The following PRLR variants were observed in gnomAD, a reference collection of about 807,000 sequenced individuals.
PRLR encodes prolactin receptor.
In PRLR, 13 loss-of-function variants were observed where a neutral mutation model predicts 40.2. That is an observed-to-expected ratio of 0.32 (90% CI 0.21 to 0.51). The LOEUF (loss-of-function observed/expected upper bound fraction) is 0.51. Ranked by LOEUF, PRLR falls within the 20% of genes least tolerant of loss-of-function variation. The pLI is 0.97. For missense variants in PRLR, 656 were observed against 747.3 expected (o/e 0.88, Z 1.42); for synonymous variants, 269 against 278.7 (o/e 0.97, Z 0.35).
intron 1 of PRLR, among the ~76,000 whole-genome samples, chr5:35,197,446 G>A (rs974562322): frequency 2.6e-5 from 4 of 152,182 alleles, no homozygotes; most frequent in Non-Finnish European, 5.9e-5. Flanking sequence ...TTCCCTCATT[G>A]CTCAGATCTG....
At chr5:35,110,865 A>T (rs770492142) in intron 2 of PRLR, among the ~76,000 whole-genome samples, 7 of 152,226 alleles carry the variant, frequency 4.6e-5, no homozygotes, top group Non-Finnish European at 1.0e-4. Context: ...GCTAACTTTC[A>T]GATTACCCTC....
At chr5:35,210,949 G>A (rs1327981410) in intron 1 of PRLR, among the ~76,000 whole-genome samples, 2 of 152,108 alleles carry the variant, frequency 1.3e-5, no homozygotes, top group African/African-American at 4.8e-5. Flanking sequence ...TTGGGTGCAA[G>A]CAATCCACCT....
chr5:35,160,590 T>C (rs1774645804), intron 1 of PRLR, among the ~76,000 whole-genome samples: 1 of 152,190 alleles, frequency 6.6e-6, no homozygotes, highest in Admixed American at 6.5e-5. Flanking sequence ...TGCTAAGGTG[T>C]AGGCTGGTCA....
At chr5:35,208,256 T>C (rs1259817579) in intron 1 of PRLR, among the ~76,000 whole-genome samples, 1 of 151,888 alleles carries the variant, frequency 6.6e-6, no homozygotes, top group Non-Finnish European at 1.5e-5. Flanking sequence ...TGAACAACAC[T>C]TTCACACATA....
At chr5:35,167,976 A>G (rs959874833) in intron 1 of PRLR, among the ~76,000 whole-genome samples, 3 of 152,082 alleles carry the variant, frequency 2.0e-5, no homozygotes, top group African/African-American at 7.2e-5. Context: ...AATGGATTAA[A>G]TACTCTAATA....
intron 1 of PRLR, among the ~76,000 whole-genome samples, chr5:35,137,289 A>G (rs114747540): frequency 0.013 from 2,052 of 152,350 alleles, 63 homozygotes; most frequent in African/African-American, 0.047. Context: ...GTCTGTTTAA[A>G]TAAGTCTGAA....
At position 35,058,746 on chromosome 5, in the gene PRLR, C is replaced by T. The variant is rs1456991143; in HGVS notation, c.*6343G>A. 1 of 152,050 alleles carries T rather than the reference C, an allele frequency of 6.6e-6. No homozygotes were observed. The highest frequency in any genetic ancestry group is 1.5e-5 in the Non-Finnish European group (1 of 68,000). 9.4% of individuals were successfully genotyped at this position (152,050 alleles called of 1,614,324 possible). A position where few individuals can be genotyped will look rare whatever the true frequency, so the allele number is the denominator to read the frequency against. On this transcript the variant is annotated 3_prime_UTR_variant, in exon 10 of 10. Transcript: ENST00000618457. ...TTCACAACATGAGGATTACATATTT[C>T]AATATGGCATATACTATTTTTGAAC...
At position 35,171,115 on chromosome 5, in the gene PRLR, G is replaced by A. The variant is rs532400933; in HGVS notation, c.-105-52993C>T. 2.0e-5 allele frequency among the ~76,000 whole-genome samples: 3 copies of A among 150,946 alleles called. No individual in the cohort carries two copies. The South Asian group carries it at 6.3e-4, about 32-fold the overall frequency. On this transcript the variant is annotated intron_variant, in intron 1 of 9. Coordinates refer to ENST00000618457, the MANE Select transcript of PRLR (RefSeq NM_000949.7). ...ATTTGTTGAGTGATAGAATTAAGGA[G>A]TAATGAACACTAATTCTTTCACTGA...
chr5:35,219,174 T>G (rs566144825), intron 1 of PRLR, among the ~76,000 whole-genome samples: 1 of 152,306 alleles, frequency 6.6e-6, no homozygotes, highest in South Asian at 2.1e-4. Context: ...AGTTTTAGTG[T>G]CTCCTAGTGG....
At chr5:35,072,823 C>A in intron 5 of PRLR, 79 bp from the exon 6 acceptor site, 1 of 1,516,320 alleles carries the variant, frequency 6.6e-7, no homozygotes, top group Non-Finnish European at 8.9e-7. Context: ...ATTAGGAATT[C>A]CTTTTTCTGT....
At chr5:35,149,858 A>G (rs1159021147) in intron 1 of PRLR, among the ~76,000 whole-genome samples, 1 of 151,940 alleles carries the variant, frequency 6.6e-6, no homozygotes, top group East Asian at 1.9e-4. Flanking sequence ...ATAACTACCT[A>G]GTCTTTTTTT....
chr5:35,091,614 G>C (rs942194571), intron 2 of PRLR, among the ~76,000 whole-genome samples: 1 of 152,186 alleles, frequency 6.6e-6, no homozygotes, highest in Middle Eastern at 3.2e-3. Context: ...CTCTGTGGGA[G>C]AGACGGTGGA....
At chr5:35,193,179 T>C (rs1775651087) in intron 1 of PRLR, among the ~76,000 whole-genome samples, 1 of 152,162 alleles carries the variant, frequency 6.6e-6, no homozygotes, top group African/African-American at 2.4e-5. Flanking sequence ...TGTCTGTGTA[T>C]AGTGACCCTC....
intron 1 of PRLR, among the ~76,000 whole-genome samples, chr5:35,121,377 G>A (rs926272362): frequency 6.6e-6 from 1 of 152,186 alleles, no homozygotes; most frequent in Admixed American, 6.5e-5. Context: ...AAGGGGCTGT[G>A]TCATATCCAT....
chr5:35,050,418 T>G (rs975797866), intron 8 of PRLR, among the ~76,000 whole-genome samples: 1 of 152,224 alleles, frequency 6.6e-6, no homozygotes. Context: ...AAGTGACACC[T>G]GCTGAGTCTC....
intron 1 of PRLR, among the ~76,000 whole-genome samples, chr5:35,210,011 C>A (rs1453009744): frequency 6.6e-6 from 1 of 152,148 alleles, no homozygotes; most frequent in Non-Finnish European, 1.5e-5. Flanking sequence ...GGGGACTGGT[C>A]TCTCTCATTC....
Position 35,065,414 on chromosome 5 carries a change from AC to A in PRLR, c.1543del (p.Val515SerfsTer118). On this transcript the variant is annotated frameshift_variant, in exon 10 of 10. Coordinates refer to ENST00000618457, the MANE Select transcript of PRLR (RefSeq NM_000949.7). LOFTEE classifies it low-confidence loss of function (END_TRUNC). Reference sequence around the variant, plus strand: ...CAATGATAATGCACCATCTTTGTTGACCTTGTGAATCTCCACATAATCCAAG... The same window carrying A: ...CAATGATAATGCACCATCTTTGTTGACTTGTGAATCTCCACATAATCCAAG... Reference protein sequence around the residue: ...KPLDYVEIHKVNKDGALSLLP... With the variant: ...KPLDYVEIHKXNKDGALSLLP... 2.5e-6 allele frequency: 4 copies of A among 1,613,888 alleles called. No homozygotes were observed. The highest frequency in any genetic ancestry group is 3.4e-6 in the Non-Finnish European group (4 of 1,179,978).
intron 1 of PRLR, among the ~76,000 whole-genome samples, chr5:35,215,730 T>C (rs1421531503): frequency 6.6e-6 from 1 of 151,916 alleles, no homozygotes; most frequent in Non-Finnish European, 1.5e-5. Context: ...GTGGAATCCA[T>C]TGCTATTTAG....
rs1774800644 is a variant in PRLR, at chr5:35,165,615, C to T, written c.-105-47493G>A. Among the ~76,000 whole-genome samples, 4 of 152,218 alleles carry T rather than the reference C, an allele frequency of 2.6e-5. No individual in the cohort carries two copies. The South Asian group carries it at 8.3e-4, about 32-fold the overall frequency. On this transcript the variant is annotated intron_variant, in intron 1 of 9. Transcript: ENST00000618457. Reference sequence around the variant, plus strand: ...CATAAACAAATAATGCCTGGGTAACCATTGGCCTTTGGAATCTAGTGATTC... The same window carrying T: ...CATAAACAAATAATGCCTGGGTAACTATTGGCCTTTGGAATCTAGTGATTC...
Sources: gnomAD v4.1 joint callset for allele counts (sites outside exome capture counted in the v4.1 genomes callset) on GRCh38, gnomAD v4.1.1 for gene constraint, MANE v1.5 for transcripts, NCBI Gene and HGNC (gene_info 2026-07-23, HGNC 2026-07-21) for gene names.